GPC5: variants seen among roughly 807,000 people sequenced by gnomAD.
The protein encoded by GPC5 is glypican 5.
GPC5 carries 47 observed loss-of-function variants against 53.9 expected under a neutral mutation model. The ratio of observed to expected loss-of-function variants is 0.87; its 90% CI spans 0.69 to 1.11. GPC5 has a LOEUF of 1.11. Among genes scored for constraint, GPC5 ranks in the 50% most tolerant of loss-of-function variants. The pLI is 0.00. For missense variants in GPC5, 748 were observed against 713.1 expected (o/e 1.05, Z -0.56); for synonymous variants, 286 against 263.3 (o/e 1.09, Z -0.84).
At position 92,462,986 on chromosome 13, in the gene GPC5, G is replaced by A. The variant is rs567348885; in HGVS notation, c.1561+317997G>A. ...ATCTGTCAGAAAGCATGGCAAAGAC[G>A]AAGCACATACCCTGCAAGAGGACAT... On this transcript the variant is annotated intron_variant, in intron 7 of 7. Coordinates refer to ENST00000377067, the MANE Select transcript of GPC5 (RefSeq NM_004466.6). Among the ~76,000 whole-genome samples, 309 of 152,174 alleles carry A rather than the reference G, an allele frequency of 2.0e-3. 2 individuals carry two copies. Among genetic ancestry groups the A allele is most frequent in the Non-Finnish European group, 3.6e-3 (242 of 68,010 alleles).
At chr13:92,194,348 T>C (rs959621454) in intron 7 of GPC5, among the ~76,000 whole-genome samples, 1 of 152,164 alleles carries the variant, frequency 6.6e-6, no homozygotes, top group Non-Finnish European at 1.5e-5. Flanking sequence ...ATGCATGCCA[T>C]AGGCTCTCCC....
At chr13:92,847,914 T>A (rs1361330935) in intron 7 of GPC5, among the ~76,000 whole-genome samples, 2 of 152,208 alleles carry the variant, frequency 1.3e-5, no homozygotes, top group South Asian at 2.1e-4. Flanking sequence ...AATTATTTGA[T>A]AATAGAGATG....
chr13:91,908,511 C>A (rs2039578169), intron 6 of GPC5, among the ~76,000 whole-genome samples: 1 of 152,032 alleles, frequency 6.6e-6, no homozygotes. Flanking sequence ...ATATTTATTT[C>A]CTATAACACC....
At chr13:92,592,994 C>T (rs986533796) in intron 7 of GPC5, among the ~76,000 whole-genome samples, 2 of 150,894 alleles carry the variant, frequency 1.3e-5, no homozygotes, top group African/African-American at 4.9e-5. Context: ...TAAGACATCC[C>T]CTCATGTTGG....
chr13:92,669,574 A>C (rs1313466787), intron 7 of GPC5, among the ~76,000 whole-genome samples: 2 of 152,170 alleles, frequency 1.3e-5, no homozygotes, highest in African/African-American at 4.8e-5. Flanking sequence ...ACATGGAGCC[A>C]TGATGGCTAC....
chr13:92,152,269 TAC>T (rs1483395210), intron 7 of GPC5, among the ~76,000 whole-genome samples: 1 of 152,148 alleles, frequency 6.6e-6, no homozygotes, highest in Non-Finnish European at 1.5e-5. Context: ...GATTAAAAAA[TAC>T]ACACAATAAA....
At chr13:91,399,996 C>A (rs1481152867) in intron 1 of GPC5, among the ~76,000 whole-genome samples, 1 of 152,158 alleles carries the variant, frequency 6.6e-6, no homozygotes, top group Non-Finnish European at 1.5e-5. Context: ...TGCTTTCGAA[C>A]CCTGCTCCCC....
intron 7 of GPC5, among the ~76,000 whole-genome samples, chr13:92,564,861 G>A (rs757623531): frequency 2.1e-4 from 32 of 151,988 alleles, no homozygotes; most frequent in Non-Finnish European, 2.4e-4. Flanking sequence ...ACTTCAGATC[G>A]AGTTGGTTTA....
At chr13:92,525,643 A>C (rs1881249654) in intron 7 of GPC5, among the ~76,000 whole-genome samples, 1 of 152,012 alleles carries the variant, frequency 6.6e-6, no homozygotes, top group Admixed American at 6.6e-5. Context: ...TATATCTCTA[A>C]GGGACTACTG....
In GPC5 at chr13:91,753,460, C is replaced by A. The variant is rs555514495; in HGVS notation, c.1155-2835C>A. Among the ~76,000 whole-genome samples, 4 of 152,272 alleles carry A rather than the reference C, an allele frequency of 2.6e-5. No homozygotes were observed. The South Asian group carries it at 6.2e-4, about 24-fold the overall frequency. On this transcript the variant is annotated intron_variant, in intron 4 of 7. Coordinates refer to ENST00000377067, the MANE Select transcript of GPC5 (RefSeq NM_004466.6). Reference sequence around the variant, plus strand: ...TCTGGATTCCTAATGTCTTTCAAATCTTTCACTTGTTTTTCTGTTCACTGA... The same window carrying A: ...TCTGGATTCCTAATGTCTTTCAAATATTTCACTTGTTTTTCTGTTCACTGA...
intron 7 of GPC5, among the ~76,000 whole-genome samples, chr13:92,793,428 A>T (rs1392432601): frequency 6.6e-6 from 1 of 152,210 alleles, no homozygotes; most frequent in East Asian, 1.9e-4. Context: ...ACACAAGAGG[A>T]AGCAGAAAGA....
At chr13:91,628,276 T>G in intron 2 of GPC5, among the ~76,000 whole-genome samples, 1 of 152,244 alleles carries the variant, frequency 6.6e-6, no homozygotes, top group South Asian at 2.1e-4. Flanking sequence ...TTCCATTAAG[T>G]TATCACAATA....
At chr13:92,469,541 C>T (rs1385563398) in intron 7 of GPC5, among the ~76,000 whole-genome samples, 7 of 152,070 alleles carry the variant, frequency 4.6e-5, no homozygotes, top group South Asian at 2.1e-4. Context: ...TACCAATTTA[C>T]TTTATGGGGC....
Position 92,640,426 on chromosome 13 carries a change from A to AT in GPC5, c.1562-225849dup, listed in dbSNP as rs541894175. ...AGGCGCCCGCCACCATGCCCAGCTAATTTTTTTGTATTTTTAGTAGAGACG... is the reference window on the plus strand; with the variant it reads ...AGGCGCCCGCCACCATGCCCAGCTAATTTTTTTTGTATTTTTAGTAGAGACG... On this transcript the variant is annotated intron_variant, in intron 7 of 7. Coordinates refer to ENST00000377067, the MANE Select transcript of GPC5 (RefSeq NM_004466.6). 8.8e-3 allele frequency among the ~76,000 whole-genome samples: 1,340 copies of AT among 151,928 alleles called. 11 individuals carry two copies. The highest frequency in any genetic ancestry group is 0.013 in the Non-Finnish European group (888 of 67,950).
At chr13:92,572,667 G>A (rs182477771) in intron 7 of GPC5, among the ~76,000 whole-genome samples, 13 of 152,226 alleles carry the variant, frequency 8.5e-5, no homozygotes, top group Admixed American at 3.9e-4. Flanking sequence ...CAATGAAAAA[G>A]AATTCTTTTT....
At chr13:92,796,473 T>C (rs1844285531) in intron 7 of GPC5, among the ~76,000 whole-genome samples, 1 of 151,964 alleles carries the variant, frequency 6.6e-6, no homozygotes, top group Non-Finnish European at 1.5e-5. Context: ...AACCTGCACA[T>C]TGTGCACAAG....
At chr13:91,801,507 A>G (rs2038136292) in intron 5 of GPC5, among the ~76,000 whole-genome samples, 1 of 152,150 alleles carries the variant, frequency 6.6e-6, no homozygotes, top group Admixed American at 6.6e-5. Context: ...GCTGTGTCAA[A>G]GAAATACATC....
intron 7 of GPC5, among the ~76,000 whole-genome samples, chr13:92,185,891 A>G (rs1161077397): frequency 6.6e-6 from 1 of 152,150 alleles, no homozygotes; most frequent in Non-Finnish European, 1.5e-5. Context: ...CATTGTTTTC[A>G]TTTTACAGCT....
intron 1 of GPC5, among the ~76,000 whole-genome samples, chr13:91,422,319 C>G (rs577603371): frequency 4.4e-4 from 67 of 152,158 alleles, no homozygotes; most frequent in African/African-American, 1.6e-3. Flanking sequence ...AACTGAATAC[C>G]CGAGACTAGG....
Sources: gnomAD v4.1 joint callset for allele counts (sites outside exome capture counted in the v4.1 genomes callset) on GRCh38, gnomAD v4.1.1 for gene constraint, MANE v1.5 for transcripts, NCBI Gene and HGNC (gene_info 2026-07-23, HGNC 2026-07-21) for gene names.